Variants in CDK14 observed in about 807,000 individuals in gnomAD.
CDK14 encodes the protein cyclin dependent kinase 14.
Under a neutral mutation model 60.7 loss-of-function variants are expected in CDK14, and 34 were observed. The observed-to-expected ratio is 0.56, with a 90% CI of 0.43 to 0.75. The LOEUF (loss-of-function observed/expected upper bound fraction) is 0.75, where lower values mean the gene tolerates loss of function less well. Ranked by LOEUF, CDK14 falls within the 30% of genes least tolerant of loss-of-function variation. The pLI is 0.00. For synonymous variants in CDK14, 197 were observed against 203.7 expected (o/e 0.97, Z 0.28); for missense variants, 482 against 564.1 (o/e 0.85, Z 1.47).
intron 14 of CDK14, among the ~76,000 whole-genome samples, chr7:91,125,772 T>G (rs1404286683): frequency 6.6e-6 from 1 of 152,160 alleles, no homozygotes; most frequent in African/African-American, 2.4e-5. Context: ...TACTGAACTG[T>G]TAACCTCAAT....
At chr7:91,198,034 T>C (rs1435065025) in intron 14 of CDK14, among the ~76,000 whole-genome samples, 1 of 152,182 alleles carries the variant, frequency 6.6e-6, no homozygotes, top group Non-Finnish European at 1.5e-5. Flanking sequence ...CTTAGCGAGC[T>C]GTCTAGCACC....
chr7:90,626,924 A>G (rs1439276084), intron 2 of CDK14, among the ~76,000 whole-genome samples: 2 of 151,936 alleles, frequency 1.3e-5, no homozygotes, highest in Non-Finnish European at 2.9e-5. Flanking sequence ...CGGTGATAGA[A>G]TGAGACCCTG....
In CDK14 at chr7:90,698,067, C is replaced by CAAAAAAAAAAAAAAA. The variant is rs71104484; in HGVS notation, c.124-28492_124-28478dup. ...TGGGTGACAGAGCAAGACTCTGTCT[C>CAAAAAAAAAAAAAAA]AAAAAAAAAAAAAAAAAAAAAAGAA... On this transcript the variant is annotated intron_variant, in intron 2 of 14. Transcript: ENST00000380050. Among the ~76,000 whole-genome samples, 49 of 75,610 alleles carry CAAAAAAAAAAAAAAA rather than the reference C, an allele frequency of 6.5e-4. 1 individual carries two copies. Among genetic ancestry groups the CAAAAAAAAAAAAAAA allele is most frequent in the Admixed American group, 9.5e-4 (5 of 5,290 alleles). 49.6% of individuals were successfully genotyped at this position (75,610 alleles called of 152,430 possible). A position where few individuals can be genotyped will look rare whatever the true frequency, so the allele number is the denominator to read the frequency against.
chr7:91,138,890 C>G (rs1014978869), intron 14 of CDK14, among the ~76,000 whole-genome samples: 4 of 152,124 alleles, frequency 2.6e-5, no homozygotes, highest in African/African-American at 9.7e-5. Context: ...GATAAGATCT[C>G]TTTCTTTGTC....
At chr7:90,879,678 G>C (rs958249174) in intron 6 of CDK14, among the ~76,000 whole-genome samples, 1 of 152,056 alleles carries the variant, frequency 6.6e-6, no homozygotes, top group African/African-American at 2.4e-5. Context: ...AACCAACATG[G>C]CACATGTATA....
rs61567951 is a variant in CDK14, at chr7:91,184,803, G to A, written c.*29-22362G>A. ...GTTCTGATGGAGCAGGAAAGTTGGGGTCAGATTGAGAAGGGCTTTGATTGC... is the reference window on the plus strand; with the variant it reads ...GTTCTGATGGAGCAGGAAAGTTGGGATCAGATTGAGAAGGGCTTTGATTGC... On this transcript the variant is annotated intron_variant, in intron 14 of 14. Coordinates refer to ENST00000380050, the MANE Select transcript of CDK14 (RefSeq NM_001287135.2). 0.04 allele frequency among the ~76,000 whole-genome samples: 6,128 copies of A among 151,970 alleles called. 738 individuals are homozygous for A. The East Asian group carries it at 0.48, about 12-fold the overall frequency.
intron 3 of CDK14, among the ~76,000 whole-genome samples, chr7:90,734,919 T>C: frequency 6.6e-6 from 1 of 152,186 alleles, no homozygotes; most frequent in East Asian, 1.9e-4. Flanking sequence ...TTCAGCCTTT[T>C]TGCGCTGGTT....
intron 9 of CDK14, chr7:90,979,834 A>G (rs1330028838): frequency 6.6e-6 from 1 of 152,218 alleles, no homozygotes; most frequent in Non-Finnish European, 1.5e-5. Context: ...AGATAATGAT[A>G]AATGTCAGAT....
chr7:90,794,095 G>A (rs1337528781), intron 5 of CDK14, among the ~76,000 whole-genome samples: 1 of 152,010 alleles, frequency 6.6e-6, no homozygotes, highest in African/African-American at 2.4e-5. Flanking sequence ...ATGTTGGCAG[G>A]TTCCATGATG....
intron 10 of CDK14, among the ~76,000 whole-genome samples, chr7:90,995,591 G>A (rs1347347657): frequency 1.3e-5 from 2 of 152,238 alleles, no homozygotes; most frequent in Admixed American, 1.3e-4. Context: ...GACCAAGAAA[G>A]AGTAGATACT....
At chr7:91,052,765 G>A (rs1053500457) in intron 11 of CDK14, among the ~76,000 whole-genome samples, 1 of 152,108 alleles carries the variant, frequency 6.6e-6, no homozygotes, top group African/African-American at 2.4e-5. Flanking sequence ...TTTCTAAAGT[G>A]GTTATATTAC....
chr7:90,941,163 A>T (rs1793920579), intron 8 of CDK14, among the ~76,000 whole-genome samples: 1 of 152,194 alleles, frequency 6.6e-6, no homozygotes, highest in African/African-American at 2.4e-5. Context: ...ATCAAGGAGA[A>T]ATTAGAGGAT....
intron 2 of CDK14, among the ~76,000 whole-genome samples, chr7:90,687,924 G>C (rs1395558978): frequency 1.3e-5 from 2 of 152,128 alleles, no homozygotes; most frequent in Admixed American, 6.6e-5. Flanking sequence ...AGTTGCTGCA[G>C]CTGAAAGTGT....
At chr7:90,631,090 T>G (rs1799988348) in intron 2 of CDK14, among the ~76,000 whole-genome samples, 1 of 152,198 alleles carries the variant, frequency 6.6e-6, no homozygotes, top group Non-Finnish European at 1.5e-5. Context: ...GAACCCCCCT[T>G]CTCATGGAAG....
At chr7:91,199,255 C>G (rs1235545556) in intron 14 of CDK14, among the ~76,000 whole-genome samples, 1 of 151,908 alleles carries the variant, frequency 6.6e-6, no homozygotes, top group Non-Finnish European at 1.5e-5. Flanking sequence ...TTCAAACCTC[C>G]CAGTTTTTAT....
intron 11 of CDK14, among the ~76,000 whole-genome samples, chr7:91,055,443 T>C (rs1357583031): frequency 6.6e-6 from 1 of 152,176 alleles, no homozygotes; most frequent in Non-Finnish European, 1.5e-5. Flanking sequence ...TCAGTAATGA[T>C]GGAGACTAGC....
At chr7:90,799,221 G>A (rs1788542132) in intron 5 of CDK14, among the ~76,000 whole-genome samples, 1 of 152,152 alleles carries the variant, frequency 6.6e-6, no homozygotes, top group African/African-American at 2.4e-5. Flanking sequence ...TAAAATGGTA[G>A]CAGTATAAAT....
chr7:90,726,624 C>T lies in CDK14; in HGVS notation c.181C>T (p.Pro61Ser), dbSNP rs775644986. The part of the protein sequence containing the change: ...NCQGMDSVIK[P>S]LDTIPEDKKV... ...CCAGGGAATGGACTCAGTGATCAAACCCCTGGACACAATTCCTGAGGATAA... is the reference window on the plus strand; with the variant it reads ...CCAGGGAATGGACTCAGTGATCAAATCCCTGGACACAATTCCTGAGGATAA... Residue 61 changes from proline (P) to serine (S), a missense_variant, in exon 3 of 15, where the codon CCC (proline) becomes TCC (serine). Coordinates refer to ENST00000380050, the MANE Select transcript of CDK14 (RefSeq NM_001287135.2). 1.9e-6 allele frequency: 3 copies of T among 1,613,618 alleles called. No homozygotes were observed. The highest frequency in any genetic ancestry group is 2.2e-5 in the East Asian group (1 of 44,866).
At chr7:90,933,612 T>C (rs1190351249) in intron 8 of CDK14, among the ~76,000 whole-genome samples, 1 of 152,248 alleles carries the variant, frequency 6.6e-6, no homozygotes, top group African/African-American at 2.4e-5. Context: ...TTATATAGAA[T>C]GGCAGACCAG....
Sources: allele counts gnomAD v4.1 joint callset (sites outside exome capture counted in the v4.1 genomes callset), GRCh38; gene constraint gnomAD v4.1.1; transcripts MANE v1.5; gene names NCBI Gene and HGNC (gene_info 2026-07-23, HGNC 2026-07-21).